The following GCNT1 variants were observed in gnomAD, a reference collection of about 807,000 sequenced individuals.
The protein encoded by GCNT1 is glucosaminyl (N-acetyl) transferase 1, also known as beta-1,3-galactosyl-O-glycosyl-glycoprotein beta-1,6-N-acetylglucosaminyltransferase.
A neutral mutation model predicts 26.2 loss-of-function variants in GCNT1; 16 were observed. The ratio of observed to expected loss-of-function variants is 0.61; its 90% confidence interval spans 0.41 to 0.93. GCNT1 has a LOEUF of 0.93. GCNT1 is among the 40% of genes least tolerant of loss of function. GCNT1 has a pLI of 0.00. For synonymous variants in GCNT1, 183 were observed against 190.8 expected (o/e 0.96, Z 0.34); for missense variants, 477 against 526.7 (o/e 0.91, Z 0.92).
intron 1 of GCNT1, among the ~76,000 whole-genome samples, chr9:76,443,160 G>A (rs1287795015): frequency 6.6e-6 from 1 of 152,102 alleles, no homozygotes; most frequent in Non-Finnish European, 1.5e-5. Context: ...TCAGGAGTTC[G>A]AGACCAGCCT....
intron 2 of GCNT1, among the ~76,000 whole-genome samples, chr9:76,478,468 CT>C (rs1205358531): frequency 6.6e-6 from 1 of 152,192 alleles, no homozygotes; most frequent in Non-Finnish European, 1.5e-5. Flanking sequence ...AAGGAACAAA[CT>C]CCAGATGCAT....
chr9:76,501,272 C>G (rs971775842), intron 3 of GCNT1, among the ~76,000 whole-genome samples: 4 of 152,014 alleles, frequency 2.6e-5, no homozygotes, highest in Non-Finnish European at 5.9e-5. Context: ...TTTTTTAGAA[C>G]AGCAGCGCTT....
chr9:76,409,484 C>T, the GCNT1 span, among the ~76,000 whole-genome samples: 2 of 152,054 alleles, frequency 1.3e-5, no homozygotes, highest in African/African-American at 4.8e-5. Flanking sequence ...GTTGCTGTAT[C>T]ACCCAGCCCA....
intron 1 of GCNT1, among the ~76,000 whole-genome samples, chr9:76,430,786 T>A (rs1291958583): frequency 6.6e-6 from 1 of 152,076 alleles, no homozygotes; most frequent in Non-Finnish European, 1.5e-5. Flanking sequence ...CAGGCTCAAG[T>A]GATTCTTGTG....
intron 2 of GCNT1, among the ~76,000 whole-genome samples, chr9:76,491,759 C>CA (rs1326986596): frequency 1.3e-5 from 2 of 152,148 alleles, no homozygotes; most frequent in Non-Finnish European, 2.9e-5. Context: ...TGTTGGCAGT[C>CA]ATGCTCAACT....
upstream of GCNT1, among the ~76,000 whole-genome samples, chr9:76,439,696 T>C (rs1435178651): frequency 6.6e-6 from 1 of 152,204 alleles, no homozygotes; most frequent in East Asian, 1.9e-4. Flanking sequence ...AAAACAGTGC[T>C]CTCCTTGCAC....
intron 2 of GCNT1, among the ~76,000 whole-genome samples, chr9:76,498,673 T>G (rs573620104): frequency 3.3e-5 from 5 of 150,712 alleles, no homozygotes; most frequent in Admixed American, 2.0e-4. Context: ...CTTGGGAGGC[T>G]GAAGCAGGAG....
chr9:76,400,437 G>A, the GCNT1 span, among the ~76,000 whole-genome samples: 2 of 152,136 alleles, frequency 1.3e-5, no homozygotes, highest in Non-Finnish European at 2.9e-5. Context: ...TTTGACACTA[G>A]TCTCTCTCTA....
At position 76,502,388 on chromosome 9, in the gene GCNT1, A is replaced by C; in HGVS notation, c.7A>C (p.Arg3=). 6 of 1,607,554 alleles carry C rather than the reference A, an allele frequency of 3.7e-6. No homozygotes were observed. Among genetic ancestry groups the C allele is most frequent in the Non-Finnish European group, 5.1e-6 (6 of 1,174,774 alleles). Residue 3 remains arginine (R), a synonymous_variant, in exon 4 of 4, where the codon AGG becomes CGG. Transcript: ENST00000376730. ...TCCCTGATTATTGTTTGAAATGCTG[A>C]GGACGTTGCTGCGAAGGAGACTTTT... ML[R]TLLRRRLFSY...
intron 2 of GCNT1, among the ~76,000 whole-genome samples, chr9:76,500,272 T>C (rs952396529): frequency 1.3e-5 from 2 of 152,204 alleles, no homozygotes; most frequent in Admixed American, 6.5e-5. Flanking sequence ...TGTCTAAAGT[T>C]TATATTCTTT....
chr9:76,440,664 G>T (rs1245416339), upstream of GCNT1, among the ~76,000 whole-genome samples: 2 of 152,170 alleles, frequency 1.3e-5, no homozygotes, highest in African/African-American at 2.4e-5. Flanking sequence ...TTGGGGACTG[G>T]GTCCAGAAAG....
intron 2 of GCNT1, among the ~76,000 whole-genome samples, chr9:76,466,841 A>G (rs1467893805): frequency 6.6e-6 from 1 of 152,190 alleles, no homozygotes; most frequent in Non-Finnish European, 1.5e-5. Flanking sequence ...GTGTGCAGTC[A>G]GATATTTCTT....
rs1472748725 is a variant in GCNT1 at position 76,503,944 on chromosome 9, A to C, written c.*276A>C. ...CAAGGCATTGTGGAAAGAGGGGACC[A>C]GGGTGGCTGGGGAAGAGGCCGATGC... On this transcript the variant is annotated 3_prime_UTR_variant, in exon 4 of 4. Coordinates refer to ENST00000376730, the MANE Select transcript of GCNT1 (RefSeq NM_001490.5). The C allele has an allele frequency of 2.3e-6, 1 of 441,636 alleles. No homozygotes were observed. The highest frequency in any genetic ancestry group is 4.3e-6 in the Non-Finnish European group (1 of 232,450). 27.4% of individuals were successfully genotyped at this position (441,636 alleles called of 1,614,324 possible). A position where few individuals can be genotyped will look rare whatever the true frequency, so the allele number is the denominator to read the frequency against.
the GCNT1 span, among the ~76,000 whole-genome samples, chr9:76,398,114 T>C: frequency 6.6e-6 from 1 of 151,752 alleles, no homozygotes. Context: ...AGTCCACTTC[T>C]CTGGTTTAAT....
chr9:76,431,810 A>G (rs528164018), intron 1 of GCNT1, among the ~76,000 whole-genome samples: 2 of 152,094 alleles, frequency 1.3e-5, no homozygotes, highest in Non-Finnish European at 2.9e-5. Flanking sequence ...AAAGACTCCT[A>G]TCCCTTAAGA....
chr9:76,471,332 G>A lies in GCNT1; in HGVS notation c.-290+11155G>A, dbSNP rs545425461. Reference sequence around the variant, plus strand: ...TGAGCCACTGTGCCCTGCCACACTTGTCTGTCTTTATGCCTTTGTTTCTTG... The same window carrying A: ...TGAGCCACTGTGCCCTGCCACACTTATCTGTCTTTATGCCTTTGTTTCTTG... On this transcript the variant is annotated intron_variant, in intron 2 of 3. Coordinates refer to ENST00000376730, the MANE Select transcript of GCNT1 (RefSeq NM_001490.5). 9.9e-5 allele frequency among the ~76,000 whole-genome samples: 15 copies of A among 152,222 alleles called. 1 individual carries two copies. In the South Asian group the frequency reaches 3.1e-3, roughly 32 times the overall value.
At chr9:76,461,462 T>C (rs374574327) in intron 2 of GCNT1, among the ~76,000 whole-genome samples, 59 of 151,714 alleles carry the variant, frequency 3.9e-4, no homozygotes, top group Admixed American at 1.8e-3. Context: ...TAGGCGCCTG[T>C]AATCCCAGCT....
intron 1 of GCNT1, among the ~76,000 whole-genome samples, chr9:76,429,709 T>C (rs1489343864): frequency 7.3e-6 from 1 of 137,556 alleles, no homozygotes; most frequent in Non-Finnish European, 1.5e-5. Flanking sequence ...AGCCTCTGTT[T>C]TCTTTCTTTT....
At chr9:76,446,552 C>G (rs530953470) in intron 1 of GCNT1, among the ~76,000 whole-genome samples, 2 of 152,226 alleles carry the variant, frequency 1.3e-5, no homozygotes, top group South Asian at 4.2e-4. Context: ...ACATTTTGAC[C>G]AAGCAATACC....
Sources: gnomAD v4.1 joint callset for allele counts (sites outside exome capture counted in the v4.1 genomes callset) on GRCh38, gnomAD v4.1.1 for gene constraint, MANE v1.5 for transcripts, NCBI Gene and HGNC (gene_info 2026-07-23, HGNC 2026-07-21) for gene names.